Variants in FABP6 observed in about 807,000 individuals in gnomAD.
FABP6 encodes the protein fatty acid binding protein 6.
A neutral mutation model predicts 14.9 loss-of-function variants in FABP6; 13 were observed. The observed-to-expected ratio is 0.87, with a 90% CI of 0.57 to 1.39. The LOEUF (loss-of-function observed/expected upper bound fraction) is 1.39, where lower values mean the gene tolerates loss of function less well. FABP6 is among the 40% of genes most tolerant of loss of function. The pLI, the probability that FABP6 is intolerant of heterozygous loss-of-function variation, is 0.00. For missense variants in FABP6, 161 were observed against 167.2 expected, an observed-to-expected ratio of 0.96 and a Z score of 0.20; for synonymous variants, 75 against 63.6, an observed-to-expected ratio of 1.18 and a Z score of -0.85.
At chr5:160,205,167 C>T (rs943965605) in intron 2 of FABP6, among the ~76,000 whole-genome samples, 2 of 151,864 alleles carry the variant, frequency 1.3e-5, no homozygotes, top group African/African-American at 4.8e-5. Context: ...TGGCATGGGA[C>T]CCAAGGCCTC....
At chr5:160,194,123 G>A (rs1335254272) in intron 1 of FABP6, among the ~76,000 whole-genome samples, 1 of 152,298 alleles carries the variant, frequency 6.6e-6, no homozygotes, top group Non-Finnish European at 1.5e-5. Flanking sequence ...TACACCCTCC[G>A]CAGCCGCTGG....
chr5:160,230,716 T>C (rs540648404), intron 1 of FABP6, among the ~76,000 whole-genome samples: 2 of 152,208 alleles, frequency 1.3e-5, no homozygotes, highest in South Asian at 4.2e-4. Context: ...GTGTTACCAA[T>C]GGGGACTCAG....
At chr5:160,212,915 C>T (rs917739748) in intron 2 of FABP6, among the ~76,000 whole-genome samples, 1 of 152,180 alleles carries the variant, frequency 6.6e-6, no homozygotes, top group Non-Finnish European at 1.5e-5. Context: ...CTACGTCCAG[C>T]CCTCCTATGC....
At chr5:160,211,526 T>G (rs1435893468) in intron 2 of FABP6, among the ~76,000 whole-genome samples, 1 of 152,214 alleles carries the variant, frequency 6.6e-6, no homozygotes, top group Non-Finnish European at 1.5e-5. Flanking sequence ...TTAAGTGACT[T>G]GTCCAAGTGA....
In FABP6 at chr5:160,188,632, G is replaced by T. The variant is rs1759336911; in HGVS notation, c.-59+1178G>T. 3.3e-5 allele frequency among the ~76,000 whole-genome samples: 5 copies of T among 152,348 alleles called. No individual in the cohort carries two copies. In the South Asian group the frequency reaches 1.0e-3, roughly 32 times the overall value. ...GGCCCGGAGGTGTCGCCCCTGGGCT[G>T]CGACCCCCGACTTTGGCCGGCTTCT... On this transcript the variant is annotated intron_variant, in intron 1 of 6. Transcript: ENST00000393980.
At chr5:160,193,397 GAGCAAAAGAACAAGGCTTCCAC>G (rs1215815011) in intron 1 of FABP6, among the ~76,000 whole-genome samples, 1 of 152,118 alleles carries the variant, frequency 6.6e-6, no homozygotes, top group East Asian at 1.9e-4. Context: ...TTATTGCAAA[GAGCAAAAGAACAAGGCTTCCAC>G]AGTGTGGAAG....
chr5:160,218,459 G>C (rs1350182296), intron 3 of FABP6, among the ~76,000 whole-genome samples: 1 of 53,640 alleles, frequency 1.9e-5, no homozygotes, highest in Non-Finnish European at 3.8e-5. Context: ...CTTAGTCTTT[G>C]ACTTTTTTTT....
intron 1 of FABP6, among the ~76,000 whole-genome samples, chr5:160,189,336 G>C (rs1369275163): frequency 6.6e-6 from 1 of 152,062 alleles, no homozygotes; most frequent in Non-Finnish European, 1.5e-5. Context: ...CCACTTCCCA[G>C]GTTCAAGTGA....
intron 3 of FABP6, among the ~76,000 whole-genome samples, chr5:160,235,260 T>C (rs1437854982): frequency 6.6e-6 from 1 of 152,066 alleles, no homozygotes; most frequent in Non-Finnish European, 1.5e-5. Context: ...AGAATATAAA[T>C]AAAGGAGGTG....
intron 1 of FABP6, among the ~76,000 whole-genome samples, chr5:160,192,098 C>T (rs1001355775): frequency 4.6e-5 from 7 of 152,166 alleles, no homozygotes; most frequent in Non-Finnish European, 1.0e-4. Context: ...CCTCACCTGA[C>T]CCCTTGAATT....
intron 3 of FABP6, among the ~76,000 whole-genome samples, chr5:160,217,085 AATTTATGTAAAGC>A (rs1193221448): frequency 2.6e-5 from 4 of 152,180 alleles, no homozygotes; most frequent in Non-Finnish European, 5.9e-5. Flanking sequence ...ATAGGATGAT[AATTTATGTAAAGC>A]ATTTAGCACA....
chr5:160,194,037 C>T (rs1251278949), intron 1 of FABP6, among the ~76,000 whole-genome samples: 1 of 152,244 alleles, frequency 6.6e-6, no homozygotes, highest in African/African-American at 2.4e-5. Context: ...CCGAGCCCTG[C>T]CCCATGGGAA....
At chr5:160,224,566 G>A (rs1009912029), upstream of FABP6, among the ~76,000 whole-genome samples, 2 of 152,166 alleles carry the variant, frequency 1.3e-5, no homozygotes, top group African/African-American at 4.8e-5. Context: ...TAGACCAAAA[G>A]CTGGGTCTCT....
At position 160,229,552 on chromosome 5, in the gene FABP6, A is replaced by G; in HGVS notation, c.-6A>G. ...TCTGCTCTCTGGCCTCCAGCCTCCC[A>G]GCAGCATGGCTTTCACCGGCAAGTT... On this transcript the variant is annotated 5_prime_UTR_variant, in exon 1 of 4. Coordinates refer to ENST00000402432, the MANE Select transcript of FABP6 (RefSeq NM_001445.3). The G allele has an allele frequency of 6.2e-7, 1 of 1,614,024 alleles. No homozygotes were observed. Among genetic ancestry groups the G allele is most frequent in the East Asian group, 2.2e-5 (1 of 44,882 alleles).
chr5:160,193,329 GGTAA>G (rs1487883651), intron 1 of FABP6, among the ~76,000 whole-genome samples: 1 of 152,092 alleles, frequency 6.6e-6, no homozygotes, highest in Non-Finnish European at 1.5e-5. Context: ...AGACTTTCAC[GGTAA>G]GTGTTATAGC....
At chr5:160,212,237 C>T (rs1759908751) in intron 2 of FABP6, among the ~76,000 whole-genome samples, 1 of 152,126 alleles carries the variant, frequency 6.6e-6, no homozygotes, top group Non-Finnish European at 1.5e-5. Context: ...TCACTGCAAC[C>T]TCTGGCTCCT....
At chr5:160,222,390 G>T (rs1760147546) in intron 3 of FABP6, among the ~76,000 whole-genome samples, 1 of 152,038 alleles carries the variant, frequency 6.6e-6, no homozygotes, top group Non-Finnish European at 1.5e-5. Flanking sequence ...CTGGAGTGCA[G>T]TGGTACCATC....
intron 2 of FABP6, among the ~76,000 whole-genome samples, chr5:160,206,687 A>G (rs1018180160): frequency 6.6e-6 from 1 of 152,188 alleles, no homozygotes; most frequent in Non-Finnish European, 1.5e-5. Context: ...ACCCACGTCT[A>G]AACAGCCACA....
chr5:160,197,952 G>A lies in FABP6; in HGVS notation c.-58-1097G>A, dbSNP rs58769820. The A allele has an allele frequency of 8.1e-3, 937 of 116,104 alleles. 3 individuals carry two copies. Among genetic ancestry groups the A allele is most frequent in the South Asian group, 0.016 (57 of 3,628 alleles). The allele number at this position is 116,104 out of a possible 1,614,324, so 7.2% of individuals were successfully genotyped here. On this transcript the variant is annotated intron_variant, in intron 1 of 6. Coordinates refer to the FABP6 transcript ENST00000393980. The stretch of plus-strand genomic sequence containing the variant: ...TGTGTGTGTGTGTGTGTGTGTGTGT[G>A]TATGTGTGTGTGTGTGTGTATGTGT...
Sources: gnomAD v4.1 joint callset for allele counts (sites outside exome capture counted in the v4.1 genomes callset) on GRCh38, gnomAD v4.1.1 for gene constraint, MANE v1.5 for transcripts, NCBI Gene and HGNC (gene_info 2026-07-23, HGNC 2026-07-21) for gene names.